ANTXRL: variants seen among roughly 807,000 people sequenced by gnomAD.
ANTXRL encodes the protein anthrax toxin receptor-like.
ANTXRL carries 63 observed loss-of-function variants against 75.4 expected under a neutral mutation model. The ratio of observed to expected loss-of-function variants is 0.84; its 90% CI spans 0.68 to 1.03. The LOEUF (loss-of-function observed/expected upper bound fraction) is 1.03, where lower values mean the gene tolerates loss of function less well. Among genes scored for constraint, ANTXRL ranks in the 50% least tolerant of loss-of-function variants. ANTXRL has a pLI of 0.00. For missense variants in ANTXRL, 797 were observed against 789.4 expected (o/e 1.01, Z -0.12); for synonymous variants, 335 against 291.3 (o/e 1.15, Z -1.53).
At chr10:46,307,669 G>T in intron 12 of ANTXRL, among the ~76,000 whole-genome samples, 189 bp downstream of exon 12, 1 of 152,278 alleles carries the variant, frequency 6.6e-6, no homozygotes. Flanking sequence ...TGTCTGCCAG[G>T]AGCCAGAGTC....
intron 2 of ANTXRL, among the ~76,000 whole-genome samples, chr10:46,293,462 GT>G (rs1837157619): frequency 6.3e-5 from 2 of 31,610 alleles, no homozygotes; most frequent in South Asian, 2.3e-3. Flanking sequence ...GCATGTGTGA[GT>G]GTGTGTGTAT....
intron 1 of ANTXRL, among the ~76,000 whole-genome samples, chr10:46,289,969 C>T (rs79787531): frequency 2.0e-5 from 3 of 151,576 alleles, no homozygotes; most frequent in Admixed American, 6.6e-5. Context: ...CCCATGTTGT[C>T]GCATCCATCA....
chr10:46,302,740 T>C lies in ANTXRL; in HGVS notation c.815T>C (p.Ile272Thr). ...CTTGCAGAACCCTACCATGTGGTTA[T>C]TCATGGAAATGGCTTTCAGAATCTA... is the stretch of plus-strand genomic sequence containing the variant. The part of the protein sequence containing the change: ...ECVGEPYHVV[I>T]HGNGFQNLKK... Residue 272 changes from isoleucine to threonine, a missense_variant, in exon 10 of 17, where the codon ATT becomes ACT. Ile to Thr is a moderately conservative substitution (Grantham distance 89, BLOSUM62 -1). Around this residue, in one of 3 missense-constraint regions of ANTXRL, gnomAD observed 56 missense variants for 95.5 expected, o/e 0.59. Coordinates refer to ENST00000620264, the MANE Select transcript of ANTXRL (RefSeq NM_001278688.3). The C allele has an allele frequency of 2.0e-6, 3 of 1,536,064 alleles. No individual in the cohort carries two copies. The highest frequency in any genetic ancestry group is 2.4e-5 in the East Asian group (1 of 40,922).
chr10:46,295,765 C>G (rs1173515531), intron 3 of ANTXRL, among the ~76,000 whole-genome samples: 9 of 152,254 alleles, frequency 5.9e-5, no homozygotes, highest in African/African-American at 1.9e-4. Flanking sequence ...CTCCTACTGT[C>G]ACCAGAGATG....
chr10:46,310,604 C>A, intron 14 of ANTXRL, 105 bp downstream of exon 14: 1 of 1,254,332 alleles, frequency 8.0e-7, no homozygotes, highest in Non-Finnish European at 1.1e-6. Context: ...TCTGCTTGAG[C>A]AGAGAAGTTG....
Position 46,308,077 on chromosome 10 carries a change from C to T in ANTXRL, c.1044+597C>T, listed in dbSNP as rs555291208. 7.5e-4 allele frequency among the ~76,000 whole-genome samples: 114 copies of T among 152,248 alleles called. 3 individuals are homozygous for T. In the South Asian group the frequency reaches 0.021, roughly 29 times the overall value. ...GTCTTTGGGCAGTTTGGCCCAGGGCCGCATAGGCAGGAGGATGTGCTGGAG... is the reference window on the plus strand; with the variant it reads ...GTCTTTGGGCAGTTTGGCCCAGGGCTGCATAGGCAGGAGGATGTGCTGGAG... On this transcript the variant is annotated intron_variant, in intron 12 of 16. Transcript: ENST00000620264.
Position 46,292,120 on chromosome 10 carries a change from G to C in ANTXRL, c.311G>C (p.Arg104Thr). ...ATGTGGGTGGAGGAAACAGTGGCGA[G>C]GTTCCAAAGGTACAGATCTCTGCAT... ...LYMWVEETVA[R>T]FQSPNIRMCF... Residue 104 changes from arginine to threonine, a missense_variant, in exon 2 of 17, where the codon AGG becomes ACG. This residue lies in a region of ANTXRL where 262 missense variants were observed against 271.9 expected (regional missense o/e 0.96). Coordinates refer to ENST00000620264, the MANE Select transcript of ANTXRL (RefSeq NM_001278688.3). 6.5e-7 allele frequency: 1 copy of C among 1,536,172 alleles called. No individual in the cohort carries two copies. Among genetic ancestry groups the C allele is most frequent in the African/African-American group, 1.4e-5 (1 of 73,122 alleles).
At chr10:46,296,317 A>G in intron 5 of ANTXRL, 65 bp downstream of exon 5, 5 of 1,510,938 alleles carry the variant, frequency 3.3e-6, no homozygotes, top group Non-Finnish European at 2.7e-6. Context: ...AGCCTCAGAG[A>G]GCTCTGTGTG....
chr10:46,289,477 C>G (rs1185097364), intron 1 of ANTXRL, among the ~76,000 whole-genome samples: 1 of 152,140 alleles, frequency 6.6e-6, no homozygotes, highest in African/African-American at 2.4e-5. Context: ...TCCTGTAATC[C>G]CAGCAATTTG....
chr10:46,311,427 T>C, intron 14 of ANTXRL, 83 bp from the exon 15 acceptor site: 1 of 1,414,248 alleles, frequency 7.1e-7, no homozygotes, highest in East Asian at 2.7e-5. Flanking sequence ...TCTGGTCCTT[T>C]CATTCCCCAG....
Position 46,313,322 on chromosome 10 carries a change from C to G in ANTXRL, c.1410+6C>G. ...GTTGTCAGAGCAGGGACCAGGTGAG[C>G]TAGGGCACAGGGACACAGTTGATGG... On this transcript the variant is annotated splice_donor_region_variant and intron_variant, in intron 16 of 16. Coordinates refer to ENST00000620264, the MANE Select transcript of ANTXRL (RefSeq NM_001278688.3). 6.5e-7 allele frequency: 1 copy of G among 1,535,752 alleles called. No individual in the cohort carries two copies. Among genetic ancestry groups the G allele is most frequent in the Non-Finnish European group, 8.7e-7 (1 of 1,146,576 alleles).
intron 2 of ANTXRL, 39 bp from the exon 3 acceptor site, chr10:46,293,790 G>A: frequency 6.6e-7 from 1 of 1,521,436 alleles, no homozygotes; most frequent in African/African-American, 1.4e-5. Context: ...TTCTGAGCCT[G>A]TGCCACTGGC....
At chr10:46,310,854 G>T (rs1229625220) in intron 14 of ANTXRL, among the ~76,000 whole-genome samples, 11 of 152,262 alleles carry the variant, frequency 7.2e-5, no homozygotes, top group Middle Eastern at 3.4e-3. Context: ...CAGGGACCTG[G>T]CCCTGTCCCC....
chr10:46,320,015 A>G (rs1838906506), intron 16 of ANTXRL, among the ~76,000 whole-genome samples: 1 of 152,194 alleles, frequency 6.6e-6, no homozygotes, highest in Admixed American at 6.5e-5. Flanking sequence ...TGTATATGTC[A>G]TCACCTCTCT....
intron 7 of ANTXRL, 98 bp downstream of exon 7, chr10:46,297,572 C>T (rs1837458006): frequency 2.3e-6 from 3 of 1,295,886 alleles, no homozygotes; most frequent in Admixed American, 2.2e-5. Context: ...TCTAAGCTGC[C>T]CCAAGTGAGT....
At chr10:46,296,403 T>C (rs1328453951) in intron 5 of ANTXRL, among the ~76,000 whole-genome samples, 151 bp downstream of exon 5, 1 of 152,148 alleles carries the variant, frequency 6.6e-6, no homozygotes, top group Non-Finnish European at 1.5e-5. Context: ...GGTCCCTCCC[T>C]GGTGCAATGA....
chr10:46,289,751 C>CA (rs1554956043), intron 1 of ANTXRL, among the ~76,000 whole-genome samples: 2 of 152,020 alleles, frequency 1.3e-5, no homozygotes, highest in Non-Finnish European at 2.9e-5. Flanking sequence ...CATCAAAACC[C>CA]AAAAAACTTC....
Position 46,287,529 on chromosome 10 carries a change from T to C in ANTXRL, c.248+19T>C, listed in dbSNP as rs1554955575. The stretch of plus-strand genomic sequence containing the variant: ...TGGACAAGTGAGTGTCCCTTCTAGC[T>C]CTGGCCCTGGGTCACCCTCAGGAGC... On this transcript the variant is annotated intron_variant, in intron 1 of 16. Coordinates refer to ENST00000620264, the MANE Select transcript of ANTXRL (RefSeq NM_001278688.3). 6.5e-7 allele frequency: 1 copy of C among 1,530,116 alleles called. No individual in the cohort carries two copies. Among genetic ancestry groups the C allele is most frequent in the East Asian group, 2.4e-5 (1 of 40,822 alleles). 94.8% of individuals were successfully genotyped at this position (1,530,116 alleles called of 1,614,324 possible).
intron 1 of ANTXRL, among the ~76,000 whole-genome samples, chr10:46,288,013 T>G (rs1554955694): frequency 2.6e-5 from 4 of 152,138 alleles, no homozygotes; most frequent in African/African-American, 9.7e-5. Flanking sequence ...GTGCCTCTTC[T>G]GCAACTTGGA....
Sources: gnomAD v4.1 joint callset for allele counts (sites outside exome capture counted in the v4.1 genomes callset) on GRCh38, gnomAD v4.1.1 for gene constraint, gnomAD v4.1.1 regional missense constraint, MANE v1.5 for transcripts, NCBI Gene and HGNC (gene_info 2026-07-23, HGNC 2026-07-21) for gene names.